ANK1: variants seen among roughly 807,000 people sequenced by gnomAD.
ANK1 encodes the protein ankyrin-1.
ANK1 carries 51 observed loss-of-function variants against 210.4 expected under a neutral mutation model. That is an observed-to-expected ratio of 0.24 (90% CI 0.19 to 0.31). The LOEUF is 0.31. Among genes scored for constraint, ANK1 ranks in the 10% least tolerant of loss-of-function variants. The pLI, the probability that ANK1 is intolerant of heterozygous loss-of-function variation, is 1.00. For synonymous variants in ANK1, 967 were observed against 1,025.9 expected, an observed-to-expected ratio of 0.94 and a Z score of 1.10; for missense variants, 2,051 against 2,504.4, an observed-to-expected ratio of 0.82 and a Z score of 3.86.
At chr8:41,827,679 CATAT>C (rs1306222287) in intron 1 of ANK1, among the ~76,000 whole-genome samples, 2 of 113,912 alleles carry the variant, frequency 1.8e-5, no homozygotes, top group Non-Finnish European at 3.6e-5. Flanking sequence ...CACATCCCCT[CATAT>C]ATACACACTC....
At position 41,653,944 on chromosome 8, in the gene ANK1, G is replaced by T. The variant is rs1366868651; in HGVS notation, c.*1846C>A. The T allele has an allele frequency of 6.6e-6, 1 of 152,192 alleles. No homozygotes were observed. Among genetic ancestry groups the T allele is most frequent in the Non-Finnish European group, 1.5e-5 (1 of 68,014 alleles). 9.4% of individuals were successfully genotyped at this position (152,192 alleles called of 1,614,324 possible). On this transcript the variant is annotated 3_prime_UTR_variant, in exon 43 of 43. Coordinates refer to ENST00000289734, the MANE Select transcript of ANK1 (RefSeq NM_000037.4). ...CCGCCCCGGGGCCTGCCTGGCCGGG[G>T]GTGCACCGGGGCGGATTTGTGTGGG...
chr8:41,717,097 C>A, intron 12 of ANK1, 46 bp from the exon 13 acceptor site: 1 of 1,600,658 alleles, frequency 6.2e-7, no homozygotes, highest in South Asian at 1.1e-5. Flanking sequence ...TGCCTGCTGT[C>A]CAAAACGGCA....
At chr8:41,852,348 C>A (rs150124577) in intron 1 of ANK1, among the ~76,000 whole-genome samples, 5 of 152,166 alleles carry the variant, frequency 3.3e-5, no homozygotes, top group Non-Finnish European at 7.4e-5. Flanking sequence ...CGGGCCGAAG[C>A]GGGGTGTGAA....
intron 1 of ANK1, among the ~76,000 whole-genome samples, chr8:41,830,888 G>GATAGATTCTGTTCATCAAC (rs1806481377): frequency 6.6e-6 from 1 of 152,208 alleles, no homozygotes; most frequent in Non-Finnish European, 1.5e-5. Context: ...AACCTTTGAA[G>GATAGATTCTGTTCATCAAC]ATAGATTCTG....
chr8:41,664,781 G>C, intron 39 of ANK1: 1 of 1,583,764 alleles, frequency 6.3e-7, no homozygotes, highest in Non-Finnish European at 8.6e-7. Flanking sequence ...CACCAGCCCT[G>C]CCGGCCTCCT....
chr8:41,762,132 C>T (rs772772902), intron 1 of ANK1, among the ~76,000 whole-genome samples: 10 of 152,208 alleles, frequency 6.6e-5, no homozygotes, highest in Admixed American at 1.3e-4. Context: ...GTCCCCACAG[C>T]GGCAGGAGCC....
intron 15 of ANK1, among the ~76,000 whole-genome samples, chr8:41,714,753 C>G (rs1257653030): frequency 6.6e-6 from 1 of 152,002 alleles, no homozygotes; most frequent in Non-Finnish European, 1.5e-5. Context: ...CCCAGCTACT[C>G]AGGAGACTGA....
intron 2 of ANK1, among the ~76,000 whole-genome samples, chr8:41,749,355 TG>T (rs1248497404): frequency 6.9e-6 from 1 of 145,252 alleles, no homozygotes; most frequent in Admixed American, 7.1e-5. Flanking sequence ...TGGAGTGCAG[TG>T]GCACAATCTC....
chr8:41,774,910 G>A (rs1586860508), intron 1 of ANK1, among the ~76,000 whole-genome samples: 1 of 152,308 alleles, frequency 6.6e-6, no homozygotes, highest in Non-Finnish European at 1.5e-5. Flanking sequence ...TGCCAGAATG[G>A]GCCCATTTAC....
chr8:41,797,004 A>T lies in ANK1; in HGVS notation c.27+508T>A, dbSNP rs1304789128. ...ATGAATTAACAACATAAATTAAAAG[A>T]ACCGAGCAGGTGTGACCATGAGACC... is the stretch of plus-strand genomic sequence containing the variant. On this transcript the variant is annotated intron_variant, in intron 1 of 42. Coordinates refer to ENST00000289734, the MANE Select transcript of ANK1 (RefSeq NM_000037.4). The surrounding 1 kb of genome is among the most constrained non-coding windows in gnomAD (Gnocchi z 4.0). Among the ~76,000 whole-genome samples, 1 of 152,196 alleles carries T rather than the reference A, an allele frequency of 6.6e-6. No individual in the cohort carries two copies. The highest frequency in any genetic ancestry group is 6.5e-5 in the Admixed American group (1 of 15,282).
At chr8:41,805,745 C>T (rs1850873668) in intron 1 of ANK1, among the ~76,000 whole-genome samples, 1 of 152,108 alleles carries the variant, frequency 6.6e-6, no homozygotes, top group African/African-American at 2.4e-5. Flanking sequence ...CAAAGAGGGT[C>T]ACTACTTTCC....
intron 2 of ANK1, among the ~76,000 whole-genome samples, chr8:41,740,469 T>C (rs550924945): frequency 1.3e-5 from 2 of 151,878 alleles, no homozygotes; most frequent in African/African-American, 4.8e-5. Context: ...TGCCTGCTTG[T>C]TATTGGTGTA....
chr8:41,875,971 C>A (rs1198182841), intron 1 of ANK1, among the ~76,000 whole-genome samples: 1 of 152,016 alleles, frequency 6.6e-6, no homozygotes, highest in Non-Finnish European at 1.5e-5. Flanking sequence ...CACTCGCACA[C>A]CTGCCCGCGC....
intron 20 of ANK1, among the ~76,000 whole-genome samples, chr8:41,703,418 G>GTA (rs1563490890): frequency 8.5e-5 from 4 of 46,882 alleles, no homozygotes; most frequent in African/African-American, 2.5e-4. Flanking sequence ...GTGTGTGTGT[G>GTA]TGTGTATATA....
At chr8:41,743,823 T>C (rs906070216) in intron 2 of ANK1, among the ~76,000 whole-genome samples, 5 of 148,234 alleles carry the variant, frequency 3.4e-5, no homozygotes, top group East Asian at 2.0e-4. Context: ...TATATATATA[T>C]ACATAGACAG....
At chr8:41,757,529 GGAGCCCTGGA>G (rs1839436560) in intron 2 of ANK1, among the ~76,000 whole-genome samples, 1 of 152,154 alleles carries the variant, frequency 6.6e-6, no homozygotes. Flanking sequence ...GTGTCACTCA[GGAGCCCTGGA>G]GAGCCAGCCT....
intron 1 of ANK1, among the ~76,000 whole-genome samples, chr8:41,869,230 G>T (rs976011180): frequency 1.3e-5 from 2 of 152,202 alleles, no homozygotes; most frequent in African/African-American, 4.8e-5. Context: ...CTGATGTTCT[G>T]ACTCAGGACT....
intron 2 of ANK1, among the ~76,000 whole-genome samples, chr8:41,748,689 C>T (rs1836793109): frequency 6.6e-6 from 1 of 152,216 alleles, no homozygotes; most frequent in Admixed American, 6.5e-5. Context: ...GTCCCAGGAC[C>T]TGCTCATCTT....
chr8:41,874,630 A>T (rs1446562554), intron 1 of ANK1, among the ~76,000 whole-genome samples: 1 of 152,126 alleles, frequency 6.6e-6, no homozygotes, highest in Admixed American at 6.5e-5. Context: ...GCTAACAAGG[A>T]GGTGACCGGA....
Sources: gnomAD v4.1 joint callset for allele counts (sites outside exome capture counted in the v4.1 genomes callset) on GRCh38, gnomAD v4.1.1 for gene constraint, Gnocchi (gnomAD v3.1) non-coding constraint, MANE v1.5 for transcripts, NCBI Gene and HGNC (gene_info 2026-07-23, HGNC 2026-07-21) for gene names.